DPAGT1: variants seen among roughly 807,000 people sequenced by gnomAD.
DPAGT1 encodes dolichyl-phosphate N-acetylglucosaminephosphotransferase 1.
DPAGT1 carries 25 observed loss-of-function variants against 39.3 expected under a neutral mutation model. The ratio of observed to expected loss-of-function variants is 0.64; its 90% confidence interval spans 0.46 to 0.89. The LOEUF (loss-of-function observed/expected upper bound fraction) is 0.89, where lower values mean the gene tolerates loss of function less well. Among genes scored for constraint, DPAGT1 ranks in the 40% least tolerant of loss-of-function variants. The probability of loss-of-function intolerance (pLI) is 0.00; values close to 1 mark genes in which losing one functional copy is unlikely to be tolerated. For missense variants in DPAGT1, 381 were observed against 500.6 expected, an observed-to-expected ratio of 0.76 and a Z score of 2.28; for synonymous variants, 193 against 201.4, an observed-to-expected ratio of 0.96 and a Z score of 0.36.
downstream of DPAGT1, chr11:119,094,845 C>G: frequency 9.0e-7 from 1 of 1,111,688 alleles, no homozygotes; most frequent in Non-Finnish European, 1.2e-6. Context: ...GGAGCCGCGG[C>G]CCGCTTGCCC....
downstream of DPAGT1, chr11:119,095,364 C>T (rs971355690): frequency 6.3e-7 from 1 of 1,581,502 alleles, no homozygotes; most frequent in South Asian, 1.2e-5. Context: ...TTGGCGCGGG[C>T]CTTGCCGCCA....
At position 119,097,358 on chromosome 11, in the gene DPAGT1, T is replaced by G. The variant is rs1396775689; in HGVS notation, c.1006-61A>C. ...TACCTATGCTTTAGGAATGTGGATCTATTTAATGCTTTCAAGTTCCCCTTG... is the reference window on the plus strand; with the variant it reads ...TACCTATGCTTTAGGAATGTGGATCGATTTAATGCTTTCAAGTTCCCCTTG... On this transcript the variant is annotated intron_variant, in intron 7 of 8. Transcript: ENST00000354202. This position sits in a 1 kb window ranked among gnomAD's most constrained non-coding sequence, Gnocchi z 4.6. The G allele has an allele frequency of 6.8e-6, 11 of 1,613,082 alleles. No homozygotes were observed. The highest frequency in any genetic ancestry group is 1.3e-5 in the African/African-American group (1 of 74,934).
Position 119,101,651 on chromosome 11 carries a change from C to G in DPAGT1, c.5G>C (p.Trp2Ser), listed in dbSNP as rs1946512415. The change falls in exon 1 of 9, where the codon TGG becomes TCG. Residue 2 changes from tryptophan (W) to serine (S), a missense_variant. Transcript: ENST00000354202. ...CGGCATGGGCAATTCCGAGAAGGCC[C>G]ACATGGTGACCGGTCAGGGGCCCGG... M[W>S]AFSELPMPLL... The G allele has an allele frequency of 1.9e-6, 3 of 1,614,252 alleles. No individual in the cohort carries two copies. The highest frequency in any genetic ancestry group is 2.5e-6 in the Non-Finnish European group (3 of 1,180,030).
chr11:119,096,639 C>T lies in DPAGT1; in HGVS notation c.*359G>A. ...TGGAGCCTGTGTTCCTAGCCCTGGC[C>T]CAAGTTCTATCCCAAAAACCAGTGG... On this transcript the variant is annotated 3_prime_UTR_variant, in exon 9 of 9. Coordinates refer to ENST00000354202, the MANE Select transcript of DPAGT1 (RefSeq NM_001382.4). 1 of 398,344 alleles carries T rather than the reference C, an allele frequency of 2.5e-6. No individual in the cohort carries two copies. Among genetic ancestry groups the T allele is most frequent in the Non-Finnish European group, 4.7e-6 (1 of 214,332 alleles). 24.7% of individuals were successfully genotyped at this position (398,344 alleles called of 1,614,324 possible). A position where few individuals can be genotyped will look rare whatever the true frequency, so the allele number is the denominator to read the frequency against.
Position 119,098,446 on chromosome 11 carries a change from T to A in DPAGT1, c.685A>T (p.Ile229Leu). Reference protein sequence around the residue: ...DDHVFSLYFMIPFFFTTLGLL... With the variant: ...DDHVFSLYFMLPFFFTTLGLL... ...CCCAAAGTGGTGAAAAAAAAGGGTA[T>A]CATGAAGTAGAGGGAAAAGACATGA... The change falls in exon 5 of 9, where the codon ATA (isoleucine) becomes TTA (leucine). Residue 229 changes from isoleucine to leucine, a missense_variant. Transcript: ENST00000354202. 6.2e-7 allele frequency: 1 copy of A among 1,614,016 alleles called. No homozygotes were observed. The highest frequency in any genetic ancestry group is 1.1e-5 in the South Asian group (1 of 91,082).
In DPAGT1 at chr11:119,096,851, G is replaced by A; in HGVS notation, c.*147C>T. The A allele has an allele frequency of 2.0e-6, 2 of 979,156 alleles. No individual in the cohort carries two copies. Among genetic ancestry groups the A allele is most frequent in the Non-Finnish European group, 3.2e-6 (2 of 634,008 alleles). The allele number at this position is 979,156 out of a possible 1,614,324, so 60.7% of individuals were successfully genotyped here. A position where few individuals can be genotyped will look rare whatever the true frequency, so the allele number is the denominator to read the frequency against. On this transcript the variant is annotated 3_prime_UTR_variant, in exon 9 of 9. Coordinates refer to ENST00000354202, the MANE Select transcript of DPAGT1 (RefSeq NM_001382.4). ...AACGCCCAGGATGCCAATGATCACA[G>A]AGAAAGGAAAATGCTGAGAACAAAA...
chr11:119,097,730 G>T lies in DPAGT1; in HGVS notation c.917+125C>A. Reference sequence around the variant, plus strand: ...ATAAATGTGCTTTGTAAGTTATAAAGGGCTACTCACATGGAAATAGCCCTT... The same window carrying T: ...ATAAATGTGCTTTGTAAGTTATAAATGGCTACTCACATGGAAATAGCCCTT... On this transcript the variant is annotated intron_variant, in intron 6 of 8. Transcript: ENST00000354202. This position sits in a 1 kb window ranked among gnomAD's most constrained non-coding sequence, Gnocchi z 4.6. The T allele has an allele frequency of 6.8e-7, 1 of 1,466,152 alleles. No individual in the cohort carries two copies. Among genetic ancestry groups the T allele is most frequent in the Non-Finnish European group, 9.5e-7 (1 of 1,049,584 alleles). The allele number at this position is 1,466,152 out of a possible 1,614,324, so 90.8% of individuals were successfully genotyped here.
At chr11:119,099,039 T>C (rs934598162) in intron 4 of DPAGT1, among the ~76,000 whole-genome samples, 5 of 152,128 alleles carry the variant, frequency 3.3e-5, no homozygotes, top group African/African-American at 9.7e-5. Context: ...AAGAGGGTGT[T>C]AGGAGGGGCT....
intron 4 of DPAGT1, 142 bp downstream of exon 4, chr11:119,100,120 G>T (rs1010062032): frequency 1.5e-6 from 2 of 1,345,202 alleles, no homozygotes; most frequent in African/African-American, 1.4e-5. Flanking sequence ...AATCTGCATT[G>T]TTATTTGCAA....
At chr11:119,098,375 T>C (rs376904128) in intron 5 of DPAGT1, 28 bp downstream of exon 5, 12 of 1,606,326 alleles carry the variant, frequency 7.5e-6, no homozygotes, top group Non-Finnish European at 9.4e-6. Flanking sequence ...GTTCAGGTAG[T>C]TGTCCCCTTA....
At chr11:119,095,407 G>A (rs1326380479), downstream of DPAGT1, 4 of 1,526,232 alleles carry the variant, frequency 2.6e-6, no homozygotes, top group Admixed American at 4.4e-5. Context: ...TAGCGAGGTA[G>A]ACCGGTGAAG....
At chr11:119,101,420 C>T in intron 1 of DPAGT1, 75 bp downstream of exon 1, 1 of 1,611,430 alleles carries the variant, frequency 6.2e-7, no homozygotes, top group East Asian at 2.2e-5. Context: ...GTCAAGCACC[C>T]CGGTTCCCGC....
At chr11:119,099,798 A>C (rs2134908625) in intron 4 of DPAGT1, among the ~76,000 whole-genome samples, 1 of 151,750 alleles carries the variant, frequency 6.6e-6, no homozygotes, top group African/African-American at 2.4e-5. Flanking sequence ...AAAAAAAAAA[A>C]AAAAAAAAGA....
At chr11:119,101,334 C>T in intron 1 of DPAGT1, 161 bp downstream of exon 1, 1 of 1,463,004 alleles carries the variant, frequency 6.8e-7, no homozygotes, top group Non-Finnish European at 9.4e-7. Flanking sequence ...CCATCCTTTC[C>T]CCAATGCGAG....
At position 119,101,629 on chromosome 11, in the gene DPAGT1, C is replaced by CA. The variant is rs768656482; in HGVS notation, c.26dup (p.Met9IlefsTer80). ...AGACGATCAAATTGATCAGCAGCGGCATGGGCAATTCCGAGAAGGCCCACA... is the reference window on the plus strand; with the variant it reads ...AGACGATCAAATTGATCAGCAGCGGCAATGGGCAATTCCGAGAAGGCCCACA... On this transcript the variant is annotated frameshift_variant, in exon 1 of 9. Coordinates refer to ENST00000354202, the MANE Select transcript of DPAGT1 (RefSeq NM_001382.4). LOFTEE classifies it high-confidence loss of function. The CA allele has an allele frequency of 4.5e-5, 72 of 1,614,172 alleles. No homozygotes were observed. Among genetic ancestry groups the CA allele is most frequent in the Non-Finnish European group, 6.0e-5 (71 of 1,180,060 alleles).
chr11:119,095,567 G>T, downstream of DPAGT1: 1 of 717,496 alleles, frequency 1.4e-6, no homozygotes, highest in Non-Finnish European at 2.1e-6. Flanking sequence ...GGTTGGTTGC[G>T]GTTAACCCTT....
intron 1 of DPAGT1, 77 bp downstream of exon 1, chr11:119,101,417 AC>A: frequency 1.2e-6 from 2 of 1,610,172 alleles, no homozygotes; most frequent in Non-Finnish European, 1.7e-6. Context: ...GTGGTCAAGC[AC>A]CCCGGTTCCC....
intron 4 of DPAGT1, among the ~76,000 whole-genome samples, chr11:119,099,262 T>G (rs988762701): frequency 2.0e-5 from 3 of 150,988 alleles, no homozygotes; most frequent in Admixed American, 2.0e-4. Flanking sequence ...CCGTCTCTAC[T>G]AGAAATACAA....
At chr11:119,098,852 C>T (rs1046522070) in intron 4 of DPAGT1, among the ~76,000 whole-genome samples, 3 of 152,184 alleles carry the variant, frequency 2.0e-5, no homozygotes, top group Non-Finnish European at 2.9e-5. Context: ...AAAACCATTA[C>T]AAGATTTAAA....
Sources: gnomAD v4.1 joint callset for allele counts (sites outside exome capture counted in the v4.1 genomes callset) on GRCh38, gnomAD v4.1.1 for gene constraint, Gnocchi (gnomAD v3.1) non-coding constraint, MANE v1.5 for transcripts, NCBI Gene and HGNC (gene_info 2026-07-23, HGNC 2026-07-21) for gene names.